Variants in RORA observed in about 807,000 individuals in gnomAD.
RORA encodes RAR related orphan receptor A.
RORA carries 7 observed loss-of-function variants against 69.5 expected under a neutral mutation model. That is an observed-to-expected ratio of 0.10 (90% CI 0.06 to 0.19). The LOEUF (loss-of-function observed/expected upper bound fraction) is 0.19. RORA is among the 10% of genes least tolerant of loss of function. RORA has a pLI of 1.00. For missense variants in RORA, 457 were observed against 663.0 expected (o/e 0.69, Z 3.41); for synonymous variants, 261 against 240.8 (o/e 1.08, Z -0.78).
At chr15:61,081,430 T>C (rs2078538252) in intron 1 of RORA, among the ~76,000 whole-genome samples, 1 of 152,310 alleles carries the variant, frequency 6.6e-6, no homozygotes. Context: ...AAAATATACA[T>C]ATTTGCAGAT....
intron 1 of RORA, among the ~76,000 whole-genome samples, chr15:60,720,422 A>G (rs762167000): frequency 2.6e-5 from 4 of 152,202 alleles, no homozygotes; most frequent in Non-Finnish European, 5.9e-5. Context: ...AAAAACCCAG[A>G]CTGTCCAATA....
At chr15:60,956,092 G>A (rs1294486716) in intron 1 of RORA, among the ~76,000 whole-genome samples, 1 of 152,182 alleles carries the variant, frequency 6.6e-6, no homozygotes, top group Non-Finnish European at 1.5e-5. Context: ...AAAAGAAGCA[G>A]GGCAAGCAGA....
In RORA at chr15:61,199,717, A is replaced by T. The variant is rs558133675; in HGVS notation, c.166+29336T>A. ...AGTTTATCAAACCAATTACACTGAG[A>T]TGTTATGGGAAGGGGGGGAAATGTA... On this transcript the variant is annotated intron_variant, in intron 1 of 10. Transcript: ENST00000335670. 1.1e-4 allele frequency among the ~76,000 whole-genome samples: 17 copies of T among 152,288 alleles called. No homozygotes were observed. In the East Asian group the frequency reaches 2.9e-3, roughly 26 times the overall value.
At chr15:61,218,402 T>G in intron 1 of RORA, among the ~76,000 whole-genome samples, 1 of 152,294 alleles carries the variant, frequency 6.6e-6, no homozygotes, top group Middle Eastern at 3.4e-3. Context: ...TGACCCATCC[T>G]GAAACACTGA....
At chr15:60,861,343 C>T (rs2073434101) in intron 1 of RORA, among the ~76,000 whole-genome samples, 1 of 152,136 alleles carries the variant, frequency 6.6e-6, no homozygotes, top group African/African-American at 2.4e-5. Flanking sequence ...TAGACCCAAC[C>T]ACTTACATTG....
chr15:60,879,917 C>A (rs1002313775), intron 1 of RORA, among the ~76,000 whole-genome samples: 3 of 152,170 alleles, frequency 2.0e-5, no homozygotes, highest in African/African-American at 7.2e-5. Context: ...AGCACACATA[C>A]AAGCCATCCC....
At chr15:60,767,821 T>C (rs1323789754) in intron 1 of RORA, among the ~76,000 whole-genome samples, 2 of 152,210 alleles carry the variant, frequency 1.3e-5, no homozygotes, top group African/African-American at 4.8e-5. Flanking sequence ...CTGGGTCAGT[T>C]TGTCTAACAC....
At chr15:60,858,794 G>A (rs1367868555) in intron 1 of RORA, among the ~76,000 whole-genome samples, 1 of 151,904 alleles carries the variant, frequency 6.6e-6, no homozygotes, top group African/African-American at 2.4e-5. Flanking sequence ...AAAAAGTGCT[G>A]AGAATGGGAT....
chr15:61,094,944 G>A (rs1190943289), intron 1 of RORA, among the ~76,000 whole-genome samples: 2 of 152,224 alleles, frequency 1.3e-5, no homozygotes, highest in Admixed American at 6.5e-5. Flanking sequence ...AGGGGAAGAG[G>A]ATTCCAGGAA....
At chr15:60,758,841 G>T (rs2071840004) in intron 1 of RORA, among the ~76,000 whole-genome samples, 1 of 151,946 alleles carries the variant, frequency 6.6e-6, no homozygotes, top group Non-Finnish European at 1.5e-5. Flanking sequence ...GGATTCAAAA[G>T]CTTTCACACC....
chr15:60,567,611 A>T (rs1286017609), intron 2 of RORA, among the ~76,000 whole-genome samples: 1 of 151,900 alleles, frequency 6.6e-6, no homozygotes, highest in East Asian at 1.9e-4. Flanking sequence ...GGGTTTTACC[A>T]TGTTGGCCAG....
intron 1 of RORA, among the ~76,000 whole-genome samples, chr15:60,766,537 G>A (rs1246650119): frequency 6.6e-6 from 1 of 152,232 alleles, no homozygotes; most frequent in Admixed American, 6.5e-5. Context: ...TTCAGATGGC[G>A]AGGAGGCATT....
Position 61,204,827 on chromosome 15 carries a change from G to A in RORA, c.166+24226C>T, listed in dbSNP as rs2079925990. Among the ~76,000 whole-genome samples, 3 of 152,196 alleles carry A rather than the reference G, an allele frequency of 2.0e-5. No individual in the cohort carries two copies. In the South Asian group the frequency reaches 6.2e-4, roughly 31 times the overall value. ...TGAGACTGTGCGTGAACAGGTCTAA[G>A]AAATAAACATAAAATCCTGGCTATC... On this transcript the variant is annotated intron_variant, in intron 1 of 10. Transcript: ENST00000335670.
intron 1 of RORA, among the ~76,000 whole-genome samples, chr15:61,040,838 A>AT (rs961199456): frequency 2.6e-5 from 4 of 152,016 alleles, no homozygotes; most frequent in Non-Finnish European, 5.9e-5. Flanking sequence ...ATAATCACTC[A>AT]TTTTTTCAAA....
At chr15:60,939,837 C>T (rs1229572170) in intron 1 of RORA, among the ~76,000 whole-genome samples, 1 of 152,208 alleles carries the variant, frequency 6.6e-6, no homozygotes, top group Non-Finnish European at 1.5e-5. Context: ...TCCTCTTGCA[C>T]TTAGAATGGC....
chr15:60,999,274 A>G (rs1296213169), intron 1 of RORA, among the ~76,000 whole-genome samples: 1 of 152,064 alleles, frequency 6.6e-6, no homozygotes, highest in Non-Finnish European at 1.5e-5. Context: ...GAGCCCTGAA[A>G]CACTGCTGTG....
At chr15:60,875,827 T>TA (rs1427424695) in intron 1 of RORA, among the ~76,000 whole-genome samples, 1 of 152,184 alleles carries the variant, frequency 6.6e-6, no homozygotes, top group African/African-American at 2.4e-5. Context: ...AGGCCTTCAG[T>TA]AGTAGATTCA....
intron 8 of RORA, 48 bp from the exon 9 acceptor site, chr15:60,501,117 AGGAGAAAAACC>A: frequency 9.7e-7 from 1 of 1,030,160 alleles, no homozygotes; most frequent in Non-Finnish European, 1.5e-6. Flanking sequence ...TTATTGTCTT[AGGAGAAAAACC>A]TAGGTCTTAG....
At chr15:60,631,583 T>G (rs995957473) in intron 2 of RORA, among the ~76,000 whole-genome samples, 11 of 152,180 alleles carry the variant, frequency 7.2e-5, no homozygotes, top group Admixed American at 2.6e-4. Context: ...TACTTTTGTT[T>G]TGCAGTAAGG....
Sources: allele counts gnomAD v4.1 joint callset (sites outside exome capture counted in the v4.1 genomes callset), GRCh38; gene constraint gnomAD v4.1.1; transcripts MANE v1.5; gene names NCBI Gene and HGNC (gene_info 2026-07-23, HGNC 2026-07-21).